RORA: variants seen among roughly 807,000 people sequenced by gnomAD.
The protein encoded by RORA is RAR related orphan receptor A.
A neutral mutation model predicts 69.5 loss-of-function variants in RORA; 7 were observed. The observed-to-expected ratio is 0.10, with a 90% CI of 0.06 to 0.19. The LOEUF (loss-of-function observed/expected upper bound fraction) is 0.19, where lower values mean the gene tolerates loss of function less well. RORA is among the 10% of genes least tolerant of loss of function. The probability of loss-of-function intolerance (pLI) is 1.00; values close to 1 mark genes in which losing one functional copy is unlikely to be tolerated. For synonymous variants in RORA, 261 were observed against 240.8 expected, an observed-to-expected ratio of 1.08 and a Z score of -0.78; for missense variants, 457 against 663.0, an observed-to-expected ratio of 0.69 and a Z score of 3.41.
chr15:61,103,001 T>C (rs139216032), intron 1 of RORA, among the ~76,000 whole-genome samples: 14 of 152,354 alleles, frequency 9.2e-5, no homozygotes, highest in African/African-American at 2.9e-4. Flanking sequence ...ACAAAAATTA[T>C]TGAGTGCCTA....
chr15:60,643,887 A>G lies in RORA; in HGVS notation c.196+34770T>C, dbSNP rs574299311. 4.6e-5 allele frequency among the ~76,000 whole-genome samples: 7 copies of G among 152,314 alleles called. No individual in the cohort carries two copies. The South Asian group carries it at 1.5e-3, about 32-fold the overall frequency. On this transcript the variant is annotated intron_variant, in intron 2 of 10. Transcript: ENST00000335670. ...ATGGGAAAAAATAAATAAAAAACTG[A>G]GAAGGAAGGTTCAGGACAGTGTGTG...
chr15:60,704,125 A>G (rs1194133113), intron 1 of RORA, among the ~76,000 whole-genome samples: 2 of 152,236 alleles, frequency 1.3e-5, no homozygotes, highest in Non-Finnish European at 2.9e-5. Flanking sequence ...CCCTCAAGGA[A>G]TTTTACCTCT....
intron 2 of RORA, among the ~76,000 whole-genome samples, chr15:60,543,376 C>T (rs1004542137): frequency 4.6e-5 from 7 of 151,986 alleles, no homozygotes; most frequent in African/African-American, 1.2e-4. Context: ...ACCTTTAAAA[C>T]GAGCCCTATC....
intron 1 of RORA, among the ~76,000 whole-genome samples, chr15:61,082,161 C>T (rs551471642): frequency 1.3e-5 from 2 of 152,264 alleles, no homozygotes; most frequent in Admixed American, 1.3e-4. Context: ...CCGAGGTCCA[C>T]TTACACACGG....
intron 1 of RORA, among the ~76,000 whole-genome samples, chr15:61,053,142 A>G (rs1231465893): frequency 6.6e-6 from 1 of 152,206 alleles, no homozygotes; most frequent in Non-Finnish European, 1.5e-5. Context: ...GGAGCTACTC[A>G]ATCACTTGGT....
At chr15:61,108,776 T>A (rs1483846590) in intron 1 of RORA, among the ~76,000 whole-genome samples, 1 of 152,182 alleles carries the variant, frequency 6.6e-6, no homozygotes, top group Non-Finnish European at 1.5e-5. Flanking sequence ...AGAACGATAA[T>A]CACCTTTTAT....
At chr15:60,539,458 A>G (rs2066788956) in intron 2 of RORA, among the ~76,000 whole-genome samples, 1 of 152,242 alleles carries the variant, frequency 6.6e-6, no homozygotes, top group African/African-American at 2.4e-5. Context: ...CAGATTTTTC[A>G]TCTAGAAGAA....
intron 1 of RORA, among the ~76,000 whole-genome samples, chr15:60,925,092 TTAATA>T (rs891422715): frequency 9.4e-6 from 1 of 106,782 alleles, no homozygotes; most frequent in Non-Finnish European, 2.0e-5. Context: ...AATAAATAAA[TTAATA>T]AAATAAAATA....
At chr15:60,682,450 C>G (rs938933265) in intron 1 of RORA, 1 of 152,114 alleles carries the variant, frequency 6.6e-6, no homozygotes, top group Non-Finnish European at 1.5e-5. Context: ...GTACTCTATT[C>G]TAGATCCCAA....
At chr15:60,557,915 A>G (rs2067414928) in intron 2 of RORA, among the ~76,000 whole-genome samples, 4 of 152,154 alleles carry the variant, frequency 2.6e-5, no homozygotes, top group Admixed American at 2.0e-4. Context: ...CTAAATTATG[A>G]CCTATTTCTT....
chr15:60,563,455 G>C (rs1309410641), intron 2 of RORA, among the ~76,000 whole-genome samples: 1 of 152,174 alleles, frequency 6.6e-6, no homozygotes, highest in Admixed American at 6.5e-5. Flanking sequence ...TTTAATTAGG[G>C]AACCTTCATG....
chr15:60,903,027 T>G (rs1295853107), intron 1 of RORA, among the ~76,000 whole-genome samples: 7 of 152,230 alleles, frequency 4.6e-5, no homozygotes, highest in Non-Finnish European at 1.0e-4. Context: ...AGCTTTTTAT[T>G]CAGGGGATGA....
intron 1 of RORA, among the ~76,000 whole-genome samples, chr15:60,692,724 G>C (rs187781002): frequency 3.1e-3 from 477 of 152,242 alleles, no homozygotes; most frequent in Non-Finnish European, 4.4e-3. Flanking sequence ...ATTCATGTTT[G>C]AAATTTTCAT....
chr15:60,527,160 C>T (rs1048691906), intron 3 of RORA, among the ~76,000 whole-genome samples: 4 of 152,064 alleles, frequency 2.6e-5, no homozygotes, highest in African/African-American at 9.7e-5. Flanking sequence ...ATTCACTAAC[C>T]CCAATACTGG....
At chr15:60,872,822 C>T (rs949714642) in intron 1 of RORA, among the ~76,000 whole-genome samples, 8 of 152,050 alleles carry the variant, frequency 5.3e-5, no homozygotes, top group African/African-American at 1.9e-4. Flanking sequence ...CATCTCCTGC[C>T]CTCTCCTCCT....
At chr15:60,522,728 C>T (rs1431929761) in intron 3 of RORA, among the ~76,000 whole-genome samples, 7 of 150,548 alleles carry the variant, frequency 4.6e-5, no homozygotes, top group Non-Finnish European at 7.4e-5. Context: ...ATGATTGTAC[C>T]ACTGCATTCC....
At chr15:60,830,780 A>G (rs926805565) in intron 1 of RORA, among the ~76,000 whole-genome samples, 5 of 152,222 alleles carry the variant, frequency 3.3e-5, no homozygotes, top group African/African-American at 1.2e-4. Flanking sequence ...ACACAAGAAA[A>G]CAGGCACAGA....
intron 1 of RORA, among the ~76,000 whole-genome samples, chr15:61,109,316 A>C (rs1186161818): frequency 6.6e-6 from 1 of 152,234 alleles, no homozygotes; most frequent in African/African-American, 2.4e-5. Context: ...TTTACTATTG[A>C]GTCCTTGGAA....
chr15:61,066,461 T>C (rs1180496467), intron 1 of RORA, among the ~76,000 whole-genome samples: 1 of 143,420 alleles, frequency 7.0e-6, no homozygotes, highest in East Asian at 2.1e-4. Flanking sequence ...AGTTTCACTC[T>C]TGTTGCCCAG....
Sources: allele counts gnomAD v4.1 joint callset (sites outside exome capture counted in the v4.1 genomes callset), GRCh38; gene constraint gnomAD v4.1.1; transcripts MANE v1.5; gene names NCBI Gene and HGNC (gene_info 2026-07-23, HGNC 2026-07-21).